Variants in ANTXR1 observed in about 807,000 individuals in gnomAD.
ANTXR1 encodes anthrax toxin receptor 1.
A neutral mutation model predicts 78.1 loss-of-function variants in ANTXR1; 19 were observed. The ratio of observed to expected loss-of-function variants is 0.24; its 90% CI spans 0.17 to 0.36. The LOEUF is 0.36. Ranked by LOEUF, ANTXR1 falls within the 10% of genes least tolerant of loss-of-function variation. The pLI is 1.00. For synonymous variants in ANTXR1, 273 were observed against 260.5 expected, an observed-to-expected ratio of 1.05 and a Z score of -0.46; for missense variants, 518 against 718.6, an observed-to-expected ratio of 0.72 and a Z score of 3.19.
chr2:69,197,590 T>C (rs1304814064), intron 17 of ANTXR1, among the ~76,000 whole-genome samples: 8 of 152,214 alleles, frequency 5.3e-5, no homozygotes, highest in African/African-American at 1.9e-4. Flanking sequence ...ATATTGTTCA[T>C]TGTTCCCACA....
chr2:69,244,309 T>C (rs1264144877), intron 17 of ANTXR1, among the ~76,000 whole-genome samples: 1 of 152,212 alleles, frequency 6.6e-6, no homozygotes, highest in Non-Finnish European at 1.5e-5. Flanking sequence ...TCAGGGCAGA[T>C]GCCTGCTTGG....
intron 17 of ANTXR1, among the ~76,000 whole-genome samples, chr2:69,235,873 G>A (rs1248108198): frequency 6.6e-6 from 1 of 151,904 alleles, no homozygotes; most frequent in Non-Finnish European, 1.5e-5. Context: ...AAAGAAAAGA[G>A]GTTTAATTGA....
intron 8 of ANTXR1, among the ~76,000 whole-genome samples, chr2:69,077,831 TGCCTTCA>T (rs958394710): frequency 2.6e-5 from 4 of 152,226 alleles, no homozygotes; most frequent in Non-Finnish European, 4.4e-5. Context: ...GAACACAAGC[TGCCTTCA>T]GAGCACTTGT....
chr2:69,216,709 C>A (rs1376082837), intron 17 of ANTXR1, among the ~76,000 whole-genome samples: 2 of 152,138 alleles, frequency 1.3e-5, no homozygotes. Context: ...AGACCTTGTC[C>A]CCTCCACTTC....
rs1669766664 is a variant in ANTXR1 at position 69,046,324 on chromosome 2, G to T, written c.296+1511G>T. On this transcript the variant is annotated intron_variant, in intron 3 of 17. Transcript: ENST00000303714. ...AAGTTGACAGGGTCAGAGGGGTCAG[G>T]GATTTATAAACACTATCAGAATGCC... Among the ~76,000 whole-genome samples the T allele has an allele frequency of 3.9e-5, 6 of 152,180 alleles. No homozygotes were observed. In the South Asian group the frequency reaches 1.0e-3, roughly 26 times the overall value.
chr2:69,015,071 TAAAAAA>T (rs773687268), intron 1 of ANTXR1, among the ~76,000 whole-genome samples: 11 of 121,860 alleles, frequency 9.0e-5, no homozygotes, highest in African/African-American at 3.1e-4. Context: ...CAGGAAAATC[TAAAAAA>T]AAAAAAAAAG....
chr2:69,245,415 C>A lies in ANTXR1; in HGVS notation c.1625C>A (p.Pro542His). 6 of 1,593,080 alleles carry A rather than the reference C, an allele frequency of 3.8e-6. No homozygotes were observed. Among genetic ancestry groups the A allele is most frequent in the Non-Finnish European group, 5.1e-6 (6 of 1,170,092 alleles). ...CCGTCCCCACCTTCCACCCTTCCCCCTCCTCCCCAGGCTCCACCTCCCAAC... is the reference window on the plus strand; with the variant it reads ...CCGTCCCCACCTTCCACCCTTCCCCATCCTCCCCAGGCTCCACCTCCCAAC... ...PIPSPPSTLP[P>H]PPQAPPPNRA... is the part of the protein sequence containing the mutation. The change falls in exon 18 of 18, where the codon CCT (proline) becomes CAT (histidine). Residue 542 changes from proline to histidine, a missense_variant. Physicochemically the swap from Pro to His is moderately conservative, Grantham distance 77. Around this residue, in one of 5 missense-constraint regions of ANTXR1, gnomAD observed 192 missense variants for 230.2 expected, o/e 0.83. Transcript: ENST00000303714.
At chr2:69,202,258 CT>C (rs1558642442) in intron 17 of ANTXR1, among the ~76,000 whole-genome samples, 1 of 152,220 alleles carries the variant, frequency 6.6e-6, no homozygotes, top group East Asian at 1.9e-4. Flanking sequence ...AGAGGAAAGT[CT>C]GGGGTCATGG....
rs577250631 is a variant in ANTXR1, at chr2:69,043,554, C to T, written c.225-1188C>T. Among the ~76,000 whole-genome samples, 4 of 152,278 alleles carry T rather than the reference C, an allele frequency of 2.6e-5. No homozygotes were observed. In the South Asian group the frequency reaches 8.3e-4, roughly 32 times the overall value. Reference sequence around the variant, plus strand: ...GAGATCTGTTTTAGGGACCAATATTCAATTCACCAGGTATTGCCTGAGCTC... The same window carrying T: ...GAGATCTGTTTTAGGGACCAATATTTAATTCACCAGGTATTGCCTGAGCTC... On this transcript the variant is annotated intron_variant, in intron 2 of 17. Transcript: ENST00000303714.
At chr2:69,133,355 A>G (rs1222852800) in intron 12 of ANTXR1, among the ~76,000 whole-genome samples, 1 of 152,140 alleles carries the variant, frequency 6.6e-6, no homozygotes, top group African/African-American at 2.4e-5. Flanking sequence ...CTTCGCCCCA[A>G]CAATATTATT....
chr2:69,127,054 G>A (rs1459479759), intron 12 of ANTXR1, among the ~76,000 whole-genome samples: 1 of 152,110 alleles, frequency 6.6e-6, no homozygotes, highest in Non-Finnish European at 1.5e-5. Context: ...CTGGGTGCCT[G>A]GGTTATATCA....
intron 17 of ANTXR1, among the ~76,000 whole-genome samples, chr2:69,235,830 C>T (rs1018122371): frequency 6.7e-6 from 1 of 150,106 alleles, no homozygotes; most frequent in African/African-American, 2.4e-5. Context: ...TCTCATACTG[C>T]TATAAAGAAC....
At chr2:69,066,296 C>G (rs1226259402) in intron 3 of ANTXR1, among the ~76,000 whole-genome samples, 1 of 150,892 alleles carries the variant, frequency 6.6e-6, no homozygotes, top group Admixed American at 6.6e-5. Flanking sequence ...TTTTTTCTTT[C>G]TTTTATTTAT....
At chr2:69,121,504 T>C (rs545941040) in intron 10 of ANTXR1, among the ~76,000 whole-genome samples, 1 of 152,348 alleles carries the variant, frequency 6.6e-6, no homozygotes, top group Admixed American at 6.5e-5. Flanking sequence ...GGGGACGTTG[T>C]GCTTAGCACT....
chr2:69,244,263 G>T (rs1174931535), intron 17 of ANTXR1, among the ~76,000 whole-genome samples: 1 of 152,242 alleles, frequency 6.6e-6, no homozygotes, highest in African/African-American at 2.4e-5. Flanking sequence ...GCATTGTTCA[G>T]TTGAGTACCC....
At chr2:69,148,216 C>T (rs1358565213) in intron 12 of ANTXR1, among the ~76,000 whole-genome samples, 5 of 152,174 alleles carry the variant, frequency 3.3e-5, no homozygotes, top group African/African-American at 1.2e-4. Context: ...GTGTGTCCTC[C>T]CACAGTGGGG....
chr2:69,144,436 T>C (rs1050967579), intron 12 of ANTXR1, among the ~76,000 whole-genome samples: 1 of 152,208 alleles, frequency 6.6e-6, no homozygotes. Context: ...AAAGGTCTCT[T>C]TCCCTTGAAG....
At chr2:69,117,498 G>GTA (rs1167403888) in intron 10 of ANTXR1, among the ~76,000 whole-genome samples, 1 of 152,118 alleles carries the variant, frequency 6.6e-6, no homozygotes, top group Non-Finnish European at 1.5e-5. Flanking sequence ...ATATGTGTGT[G>GTA]TATCTATACA....
intron 17 of ANTXR1, among the ~76,000 whole-genome samples, chr2:69,230,085 T>G (rs1675553266): frequency 6.6e-6 from 1 of 151,638 alleles, no homozygotes; most frequent in African/African-American, 2.4e-5. Context: ...TTTGAAAGGT[T>G]TGAATTCTCA....
Sources: gnomAD v4.1 joint callset for allele counts (sites outside exome capture counted in the v4.1 genomes callset) on GRCh38, gnomAD v4.1.1 for gene constraint, gnomAD v4.1.1 regional missense constraint, MANE v1.5 for transcripts, NCBI Gene and HGNC (gene_info 2026-07-23, HGNC 2026-07-21) for gene names.